Variants in WNT7B observed in about 807,000 individuals in gnomAD.
WNT7B encodes Wnt family member 7B.
In WNT7B, 19 loss-of-function variants were observed where a neutral mutation model predicts 38.2. The ratio of observed to expected loss-of-function variants is 0.50; its 90% CI spans 0.35 to 0.73. The LOEUF (loss-of-function observed/expected upper bound fraction) is 0.73. Ranked by LOEUF, WNT7B falls within the 30% of genes least tolerant of loss-of-function variation. The pLI, the probability that WNT7B is intolerant of heterozygous loss-of-function variation, is 0.01. For missense variants in WNT7B, 423 were observed against 507.9 expected (o/e 0.83, Z 1.61); for synonymous variants, 243 against 209.3 (o/e 1.16, Z -1.39).
chr22:45,934,291 G>A (rs760042101), intron 2 of WNT7B, among the ~76,000 whole-genome samples: 10 of 152,318 alleles, frequency 6.6e-5, no homozygotes, highest in Non-Finnish European at 1.2e-4. Context: ...GTGACCTGGG[G>A]CAGGAGGAGA....
intron 1 of WNT7B, chr22:45,972,108 C>CGGGGGGCGGG: frequency 3.5e-6 from 2 of 579,220 alleles, no homozygotes; most frequent in South Asian, 1.9e-5. Context: ...GCTGGAGGCC[C>CGGGGGGCGGG]GGGGGGAGCC....
chr22:45,946,108 C>A (rs1012978797), intron 2 of WNT7B, among the ~76,000 whole-genome samples: 6 of 152,170 alleles, frequency 3.9e-5, no homozygotes, highest in Middle Eastern at 3.2e-3. Context: ...AAGCAGCCTG[C>A]AGAGGGAAGC....
At chr22:45,964,673 G>A (rs772023893) in intron 1 of WNT7B, among the ~76,000 whole-genome samples, 1 of 152,158 alleles carries the variant, frequency 6.6e-6, no homozygotes, top group Non-Finnish European at 1.5e-5. Context: ...GCCACCACAG[G>A]CTCTGCCACC....
At chr22:45,924,630 C>A (rs1322111542) in intron 3 of WNT7B, among the ~76,000 whole-genome samples, 1 of 152,188 alleles carries the variant, frequency 6.6e-6, no homozygotes, top group Non-Finnish European at 1.5e-5. Context: ...AAAGGCTGGG[C>A]CCAAAGGCTC....
intron 2 of WNT7B, among the ~76,000 whole-genome samples, chr22:45,949,331 G>T (rs968747495): frequency 1.9e-5 from 1 of 52,216 alleles, no homozygotes; most frequent in Non-Finnish European, 4.0e-5. Flanking sequence ...CCCCACACCC[G>T]CCCACCCACC....
At chr22:45,923,670 C>G (rs566624083) in intron 3 of WNT7B, among the ~76,000 whole-genome samples, 1 of 152,162 alleles carries the variant, frequency 6.6e-6, no homozygotes, top group Non-Finnish European at 1.5e-5. Context: ...GTGAGGAAAC[C>G]GAGGTTTGGG....
chr22:45,949,942 G>T lies in WNT7B; in HGVS notation c.276C>A (p.Val92=). ...WNCSALGEKT[V]FGQELRVGSR... ...TACCTACTCGGAGCTCTTGCCCGAA[G>T]ACGGTCTTCTCGCCGAGGGCAGAGC... The change falls in exon 2 of 4, where the codon GTC becomes GTA. Residue 92 remains valine (V), a synonymous_variant. Transcript: ENST00000339464. 6.2e-7 allele frequency: 1 copy of T among 1,609,848 alleles called. No homozygotes were observed. The highest frequency in any genetic ancestry group is 8.5e-7 in the Non-Finnish European group (1 of 1,176,932).
At position 45,923,112 on chromosome 22, in the gene WNT7B, T is replaced by A; in HGVS notation, c.794A>T (p.Glu265Val). ...CTTCTCAATGTACACCAGGTCTGTC[T>A]CCATGGGCTTCTGATAGCTGCGCAG... ...KQLRSYQKPM[E>V]TDLVYIEKSP... Residue 265 changes from glutamate (E) to valine (V), a missense_variant, in exon 4 of 4, where the codon GAG becomes GTG. Transcript: ENST00000339464. The A allele has an allele frequency of 6.2e-7, 1 of 1,613,682 alleles. No individual in the cohort carries two copies. Among genetic ancestry groups the A allele is most frequent in the Non-Finnish European group, 8.5e-7 (1 of 1,180,012 alleles).
At chr22:45,972,188 T>G in intron 1 of WNT7B, 2 of 618,332 alleles carry the variant, frequency 3.2e-6, no homozygotes, top group Non-Finnish European at 5.9e-6. Flanking sequence ...GAGAAAGATC[T>G]GCGGGCAATA....
At chr22:45,947,458 G>A (rs560418799) in intron 2 of WNT7B, among the ~76,000 whole-genome samples, 196 of 152,356 alleles carry the variant, frequency 1.3e-3, no homozygotes, top group Middle Eastern at 6.8e-3. Context: ...ACAACTGGCC[G>A]GGAGAAAGCT....
intron 2 of WNT7B, among the ~76,000 whole-genome samples, chr22:45,935,639 C>CTGAT (rs1931496094): frequency 6.6e-6 from 1 of 152,202 alleles, no homozygotes; most frequent in Non-Finnish European, 1.5e-5. Context: ...GGATCCACAT[C>CTGAT]TGATTCTTTT....
chr22:45,931,057 G>C (rs568658219), intron 3 of WNT7B, 41 bp downstream of exon 3: 4 of 1,526,378 alleles, frequency 2.6e-6, no homozygotes, highest in Non-Finnish European at 2.6e-6. Flanking sequence ...GTGATACAGC[G>C]GTCCCAGCTA....
intron 2 of WNT7B, among the ~76,000 whole-genome samples, chr22:45,935,581 G>T (rs1332500208): frequency 6.6e-6 from 1 of 152,284 alleles, no homozygotes; most frequent in East Asian, 1.9e-4. Flanking sequence ...TCTGTAGTGG[G>T]CACACCCTCC....
In WNT7B at chr22:45,925,898, C is replaced by A. The variant is rs527390757; in HGVS notation, c.571-2563G>T. 1.6e-4 allele frequency: 162 copies of A among 985,376 alleles called. 1 individual carries two copies. Among genetic ancestry groups the A allele is most frequent in the Non-Finnish European group, 9.3e-5 (77 of 829,900 alleles). 61.0% of individuals were successfully genotyped at this position (985,376 alleles called of 1,614,324 possible). On this transcript the variant is annotated intron_variant, in intron 3 of 3. Transcript: ENST00000339464. ...GTGTGCAGGCCACGTGGTCTAGGCCCAAGCTGCCCTCTAGTGCTCCTGCTG... is the reference window on the plus strand; with the variant it reads ...GTGTGCAGGCCACGTGGTCTAGGCCAAAGCTGCCCTCTAGTGCTCCTGCTG...
At chr22:45,961,155 G>A (rs1036205661) in intron 1 of WNT7B, among the ~76,000 whole-genome samples, 2 of 152,226 alleles carry the variant, frequency 1.3e-5, no homozygotes, top group Non-Finnish European at 2.9e-5. Context: ...TGGGCGCGCC[G>A]GTGAGAAGGA....
chr22:45,971,978 C>T (rs945989344), intron 1 of WNT7B, among the ~76,000 whole-genome samples: 12 of 152,188 alleles, frequency 7.9e-5, no homozygotes, highest in Non-Finnish European at 1.5e-4. Context: ...GCCAAGTGCT[C>T]CACCTCGGCA....
chr22:45,961,351 T>C (rs1932191641), intron 1 of WNT7B, among the ~76,000 whole-genome samples: 1 of 152,088 alleles, frequency 6.6e-6, no homozygotes, highest in African/African-American at 2.4e-5. Context: ...CTTTGGCAAG[T>C]GGCAGGGGAG....
At chr22:45,945,997 TA>T (rs111494038) in intron 2 of WNT7B, among the ~76,000 whole-genome samples, 3 of 152,188 alleles carry the variant, frequency 2.0e-5, no homozygotes, top group African/African-American at 4.8e-5. Flanking sequence ...AGGGTGGGGC[TA>T]GGGGGCCCAA....
intron 1 of WNT7B, among the ~76,000 whole-genome samples, chr22:45,959,908 A>G (rs1009049139): frequency 2.0e-5 from 3 of 152,312 alleles, no homozygotes; most frequent in Non-Finnish European, 2.9e-5. Context: ...CCCGGGCCTC[A>G]GCATCCCAGA....
Sources: gnomAD v4.1 joint callset for allele counts (sites outside exome capture counted in the v4.1 genomes callset) on GRCh38, gnomAD v4.1.1 for gene constraint, MANE v1.5 for transcripts, NCBI Gene and HGNC (gene_info 2026-07-23, HGNC 2026-07-21) for gene names.